The following SRRM1 variants were observed in gnomAD, a reference collection of about 807,000 sequenced individuals.
The protein encoded by SRRM1 is serine and arginine repetitive matrix 1.
A neutral mutation model predicts 110.2 loss-of-function variants in SRRM1; 19 were observed. The ratio of observed to expected loss-of-function variants is 0.17; its 90% confidence interval spans 0.12 to 0.25. SRRM1 has a LOEUF of 0.25. SRRM1 is among the 10% of genes least tolerant of loss of function. The pLI is 1.00. For synonymous variants in SRRM1, 443 were observed against 414.9 expected (o/e 1.07, Z -0.82); for missense variants, 918 against 1,145.8 (o/e 0.80, Z 2.87).
At chr1:24,650,133 T>A in intron 5 of SRRM1, 47 bp downstream of exon 5, 3 of 1,459,956 alleles carry the variant, frequency 2.1e-6, no homozygotes, top group Non-Finnish European at 2.7e-6. Flanking sequence ...GTACTTTAGG[T>A]CTTAAGAAAC....
chr1:24,669,576 A>G lies in SRRM1; in HGVS notation c.2193A>G (p.Lys731=). 2 of 1,553,628 alleles carry G rather than the reference A, an allele frequency of 1.3e-6. No homozygotes were observed. The highest frequency in any genetic ancestry group is 1.7e-6 in the Non-Finnish European group (2 of 1,146,498). Residue 731 remains lysine (K), a synonymous_variant, in exon 14 of 17, where the codon AAA becomes AAG. Transcript: ENST00000323848. ...GAGTCTCCAGGACTCCGGAACCTAAAAAGATAAAAAAGTAAAAATATTTTA... is the reference window on the plus strand; with the variant it reads ...GAGTCTCCAGGACTCCGGAACCTAAGAAGATAAAAAAGTAAAAATATTTTA... The part of the protein sequence containing the change: ...IRRVSRTPEP[K]KIKKAASPSP...
intron 9 of SRRM1, among the ~76,000 whole-genome samples, chr1:24,659,737 ATGTGATACTAC>A (rs779626532): frequency 4.0e-5 from 6 of 151,272 alleles, no homozygotes; most frequent in Non-Finnish European, 8.8e-5. Flanking sequence ...GGAGAAAGGG[ATGTGATACTAC>A]TGTGTTAATA....
rs764890808 is a variant in SRRM1, at chr1:24,669,422, A to G, written c.2039A>G (p.Lys680Arg). 2 of 1,614,020 alleles carry G rather than the reference A, an allele frequency of 1.2e-6. No individual in the cohort carries two copies. Among genetic ancestry groups the G allele is most frequent in the South Asian group, 2.2e-5 (2 of 91,070 alleles). The change falls in exon 14 of 17, where the codon AAA becomes AGA. Residue 680 changes from lysine to arginine, a missense_variant. This residue lies in a region of SRRM1 where 357 missense variants were observed against 402.9 expected (regional missense o/e 0.89). Coordinates refer to ENST00000323848, the MANE Select transcript of SRRM1 (RefSeq NM_005839.4). ...GAGGCCCGATCACCACAACCAAACA[A>G]ACGGCATTCGCCCTCACCACGGCCT... ...TREARSPQPN[K>R]RHSPSPRPRA...
intron 12 of SRRM1, among the ~76,000 whole-genome samples, chr1:24,665,896 C>T (rs181578757): frequency 1.3e-5 from 2 of 152,214 alleles, no homozygotes; most frequent in African/African-American, 2.4e-5. Flanking sequence ...AAACATAATT[C>T]CAGATTCACA....
intron 6 of SRRM1, 151 bp from the exon 7 acceptor site, chr1:24,652,283 G>C (rs961226996): frequency 2.0e-5 from 10 of 489,796 alleles, no homozygotes; most frequent in South Asian, 4.5e-5. Context: ...TTCAGTGATA[G>C]GTACATACAT....
At chr1:24,662,439 T>G (rs566597871) in intron 11 of SRRM1, among the ~76,000 whole-genome samples, 1 of 152,310 alleles carries the variant, frequency 6.6e-6, no homozygotes, top group Admixed American at 6.5e-5. Flanking sequence ...TATGCCATCT[T>G]GATTGGATTA....
chr1:24,658,652 G>C (rs977489508), intron 9 of SRRM1, among the ~76,000 whole-genome samples: 1 of 152,052 alleles, frequency 6.6e-6, no homozygotes, highest in African/African-American at 2.4e-5. Flanking sequence ...ACTTTTTAAC[G>C]ACGTGCCCAT....
rs779816596 is a variant in SRRM1 at position 24,652,631 on chromosome 1, G to GAGTTGTGGCTTT, written c.920+5_920+16dup. Reference sequence around the variant, plus strand: ...CGGCGCCATAGATCCCGATCAAGGTGAGTTGTGGCTTTAAGATCAACAAAG... The same window carrying GAGTTGTGGCTTT: ...CGGCGCCATAGATCCCGATCAAGGTGAGTTGTGGCTTTAGTTGTGGCTTTAAGATCAACAAAG... On this transcript the variant is annotated splice_donor_region_variant and intron_variant, in intron 7 of 16. Transcript: ENST00000323848. The GAGTTGTGGCTTT allele has an allele frequency of 6.3e-7, 1 of 1,594,672 alleles. No individual in the cohort carries two copies. The highest frequency in any genetic ancestry group is 8.5e-7 in the Non-Finnish European group (1 of 1,173,144).
chr1:24,668,791 T>C (rs1170386237), intron 13 of SRRM1, among the ~76,000 whole-genome samples: 1 of 152,222 alleles, frequency 6.6e-6, no homozygotes, highest in Admixed American at 6.5e-5. Context: ...GTTAATACAG[T>C]GCAAGATTCT....
intron 12 of SRRM1, among the ~76,000 whole-genome samples, chr1:24,665,077 G>A (rs1669238673): frequency 6.6e-6 from 1 of 152,160 alleles, no homozygotes; most frequent in South Asian, 2.1e-4. Context: ...AGGTTCCTAG[G>A]ATTTAGAGAT....
chr1:24,658,893 T>C (rs1665703214), intron 9 of SRRM1, among the ~76,000 whole-genome samples: 1 of 152,196 alleles, frequency 6.6e-6, no homozygotes, highest in Admixed American at 6.5e-5. Flanking sequence ...GCTTATTACG[T>C]AGAAATTTTA....
intron 8 of SRRM1, among the ~76,000 whole-genome samples, chr1:24,654,584 A>G (rs1662908321): frequency 6.6e-6 from 1 of 152,224 alleles, no homozygotes; most frequent in Non-Finnish European, 1.5e-5. Context: ...TTATTTTATT[A>G]TAGCATTCAA....
At chr1:24,671,238 C>A in intron 15 of SRRM1, 148 bp from the exon 16 acceptor site, 1 of 811,282 alleles carries the variant, frequency 1.2e-6, no homozygotes, top group Non-Finnish European at 2.0e-6. Flanking sequence ...GATAATTGGC[C>A]TTGGGCCTTC....
At chr1:24,664,158 G>A (rs1668702757) in intron 12 of SRRM1, among the ~76,000 whole-genome samples, 2 of 151,778 alleles carry the variant, frequency 1.3e-5, no homozygotes, top group Non-Finnish European at 2.9e-5. Context: ...ACCATGCCCA[G>A]CTAATTTTTG....
chr1:24,664,030 C>T (rs1186040718), intron 12 of SRRM1, among the ~76,000 whole-genome samples: 1 of 121,234 alleles, frequency 8.2e-6, no homozygotes, highest in Admixed American at 1.0e-4. Flanking sequence ...GAGTCTGGCT[C>T]TATCACCCAG....
At chr1:24,644,107 C>T (rs1011555070) in intron 1 of SRRM1, among the ~76,000 whole-genome samples, 1 of 152,184 alleles carries the variant, frequency 6.6e-6, no homozygotes, top group Non-Finnish European at 1.5e-5. Context: ...TCGTGTTTTA[C>T]TCTTGGAGTC....
In SRRM1 at chr1:24,651,495, A is replaced by T; in HGVS notation, c.608A>T (p.His203Leu). The change falls in exon 6 of 17, where the codon CAC becomes CTC. Residue 203 changes from histidine (H) to leucine (L), a missense_variant. By Grantham distance (99) the His-to-Leu change is moderately conservative (BLOSUM62 -3). Coordinates refer to ENST00000323848, the MANE Select transcript of SRRM1 (RefSeq NM_005839.4). The stretch of plus-strand genomic sequence containing the variant: ...CGCAGTCATTCTCGATCTCCCCGTC[A>T]CAGAACCAAGAGCCGGAGTCCTTCC... ...RKRSHSRSPR[H>L]RTKSRSPSPA... 6.2e-7 allele frequency: 1 copy of T among 1,614,204 alleles called. No homozygotes were observed. Among genetic ancestry groups the T allele is most frequent in the Non-Finnish European group, 8.5e-7 (1 of 1,180,028 alleles).
Position 24,651,519 on chromosome 1 carries a change from C to G in SRRM1, c.632C>G (p.Ser211Cys), listed in dbSNP as rs1167136877. ...PRHRTKSRSP[S>C]PAPEKKEKTP... is the part of the protein sequence containing the mutation. ...CACAGAACCAAGAGCCGGAGTCCTTCCCCTGCTCCAGAAAAGAAGGAAAAA... is the reference window on the plus strand; with the variant it reads ...CACAGAACCAAGAGCCGGAGTCCTTGCCCTGCTCCAGAAAAGAAGGAAAAA... Residue 211 changes from serine (S) to cysteine (C), a missense_variant, in exon 6 of 17, where the codon TCC becomes TGC. Transcript: ENST00000323848. 2 of 1,614,148 alleles carry G rather than the reference C, an allele frequency of 1.2e-6. No homozygotes were observed. Among genetic ancestry groups the G allele is most frequent in the Admixed American group, 1.7e-5 (1 of 60,026 alleles).
At chr1:24,657,436 G>A (rs946518175) in intron 9 of SRRM1, among the ~76,000 whole-genome samples, 20 of 152,182 alleles carry the variant, frequency 1.3e-4, no homozygotes, top group Non-Finnish European at 2.5e-4. Flanking sequence ...AGAAATGGAG[G>A]GCAGGGTTGA....
Sources: gnomAD v4.1 joint callset for allele counts (sites outside exome capture counted in the v4.1 genomes callset) on GRCh38, gnomAD v4.1.1 for gene constraint, gnomAD v4.1.1 regional missense constraint, MANE v1.5 for transcripts, NCBI Gene and HGNC (gene_info 2026-07-23, HGNC 2026-07-21) for gene names.